DMBT1: variants seen among roughly 807,000 people sequenced by gnomAD.
The protein encoded by DMBT1 is scavenger receptor cysteine-rich domain-containing protein DMBT1.
Under a neutral mutation model 252.9 loss-of-function variants are expected in DMBT1, and 198 were observed. That is an observed-to-expected ratio of 0.78 (90% CI 0.70 to 0.88). The LOEUF (loss-of-function observed/expected upper bound fraction) is 0.88. Among genes scored for constraint, DMBT1 ranks in the 40% least tolerant of loss-of-function variants. The pLI, the probability that DMBT1 is intolerant of heterozygous loss-of-function variation, is 0.00. For missense variants in DMBT1, 2,432 were observed against 2,404.7 expected (o/e 1.01, Z -0.24); for synonymous variants, 990 against 942.7 (o/e 1.05, Z -0.92).
At chr10:122,572,787 C>T (rs1255713449) in intron 5 of DMBT1, among the ~76,000 whole-genome samples, 25 of 152,142 alleles carry the variant, frequency 1.6e-4, no homozygotes, top group Admixed American at 1.4e-3. Context: ...ATATATCTTC[C>T]TAAGTGGCAG....
At position 122,633,314 on chromosome 10, in the gene DMBT1, G is replaced by C; in HGVS notation, c.6521G>C (p.Arg2174Pro). 6.2e-7 allele frequency: 1 copy of C among 1,613,930 alleles called. No individual in the cohort carries two copies. Among genetic ancestry groups the C allele is most frequent in the Non-Finnish European group, 8.5e-7 (1 of 1,179,886 alleles). The change falls in exon 52 of 56, where the codon CGT (arginine) becomes CCT (proline). Residue 2174 changes from arginine (R) to proline (P), a missense_variant. Arg to Pro is a moderately radical substitution (Grantham distance 103). Around this residue, in one of 3 missense-constraint regions of DMBT1, gnomAD observed 1,162 missense variants for 1,169.0 expected, o/e 0.99. Transcript: ENST00000338354. ...VWDIEVQNNY[R>P]VTVIFRDVQL... is the part of the protein sequence containing the mutation. The stretch of plus-strand genomic sequence containing the variant: ...GACATTGAGGTGCAAAACAACTACC[G>C]TGTGACTGTGATCTTCAGAGATGTC...
rs1162013834 is a variant in DMBT1, at chr10:122,570,785, A to C, written c.140-105A>C. The C allele has an allele frequency of 4.4e-6, 6 of 1,374,826 alleles. No individual in the cohort carries two copies. In the East Asian group the frequency reaches 1.4e-4, roughly 32 times the overall value. The allele number at this position is 1,374,826 out of a possible 1,614,324, so 85.2% of individuals were successfully genotyped here. On this transcript the variant is annotated intron_variant, in intron 3 of 55. Transcript: ENST00000338354. Reference sequence around the variant, plus strand: ...GCTTTTAGCAATGGAGGTTGCCCTTAGGATCTGTGTTTCCAGCCCTTGCTT... The same window carrying C: ...GCTTTTAGCAATGGAGGTTGCCCTTCGGATCTGTGTTTCCAGCCCTTGCTT...
chr10:122,626,955 G>A (rs890605409), intron 46 of DMBT1, among the ~76,000 whole-genome samples: 2 of 152,158 alleles, frequency 1.3e-5, no homozygotes, highest in Non-Finnish European at 2.9e-5. Flanking sequence ...GAAGGAGCTT[G>A]GCTCTTTGAA....
intron 5 of DMBT1, among the ~76,000 whole-genome samples, chr10:122,573,308 C>G (rs2097682487): frequency 1.3e-5 from 1 of 78,980 alleles, no homozygotes; most frequent in South Asian, 5.0e-4. Flanking sequence ...CTTTCGAAAC[C>G]ACCTTTTTTT....
At position 122,586,374 on chromosome 10, in the gene DMBT1, A is replaced by G. The variant is rs749375407; in HGVS notation, c.1774A>G (p.Ile592Val). Residue 592 changes from isoleucine (I) to valine (V), a missense_variant, in exon 16 of 56, where the codon ATC becomes GTC. Physicochemically the swap from Ile to Val is conservative, Grantham distance 29 (BLOSUM62 3). Around this residue, in one of 3 missense-constraint regions of DMBT1, gnomAD observed 1,264 missense variants for 1,082.2 expected, o/e 1.17. Coordinates refer to ENST00000338354, the MANE Select transcript of DMBT1 (RefSeq NM_001377530.1). The stretch of plus-strand genomic sequence containing the variant: ...TGGCCATAGTGAAGACGCTGGTGTC[A>G]TCTGCTCAGGTGGGCCTCCAAGACT... ...NCGHSEDAGV[I>V]CSGPESSLAL... 4.4e-6 allele frequency: 7 copies of G among 1,588,504 alleles called. No individual in the cohort carries two copies. The highest frequency in any genetic ancestry group is 6.0e-6 in the Non-Finnish European group (7 of 1,165,802).
chr10:122,575,928 A>T lies in DMBT1; in HGVS notation c.284-471A>T, dbSNP rs191188381. ...ATCTCCACAGCTCTGTGCTGACCCTAACAATCCTGGCCCTGAGGAAGGCTA... is the reference window on the plus strand; with the variant it reads ...ATCTCCACAGCTCTGTGCTGACCCTTACAATCCTGGCCCTGAGGAAGGCTA... On this transcript the variant is annotated intron_variant, in intron 6 of 55. Transcript: ENST00000338354. 3.5e-3 allele frequency among the ~76,000 whole-genome samples: 536 copies of T among 152,308 alleles called. 1 individual carries two copies. The highest frequency in any genetic ancestry group is 0.012 in the African/African-American group (507 of 41,560).
intron 11 of DMBT1, 49 bp from the exon 12 acceptor site, chr10:122,581,743 CT>C: frequency 6.1e-6 from 3 of 490,922 alleles, no homozygotes; most frequent in Non-Finnish European, 7.3e-6. Context: ...TGTTCTGTGC[CT>C]TTTCCCTTCA....
rs530971284 is a variant in DMBT1, at chr10:122,633,416, C to T, written c.6548+75C>T. 4.3e-5 allele frequency: 67 copies of T among 1,570,442 alleles called. 1 individual carries two copies. Among genetic ancestry groups the T allele is most frequent in the Middle Eastern group, 3.6e-4 (2 of 5,624 alleles). ...AGGGAATAAATGGTGCTTAAGTGTGCGCCCAGAAGAATGCCTTGGGGCCCC... is the reference window on the plus strand; with the variant it reads ...AGGGAATAAATGGTGCTTAAGTGTGTGCCCAGAAGAATGCCTTGGGGCCCC... On this transcript the variant is annotated intron_variant, in intron 52 of 55. Coordinates refer to ENST00000338354, the MANE Select transcript of DMBT1 (RefSeq NM_001377530.1).
rs763949424 is a variant in DMBT1 at position 122,640,168 on chromosome 10, C to G, written c.7071C>G (p.Thr2357=). The G allele has an allele frequency of 1.7e-5, 28 of 1,613,958 alleles. No homozygotes were observed. Among genetic ancestry groups the G allele is most frequent in the Non-Finnish European group, 2.3e-5 (27 of 1,179,916 alleles). Residue 2357 remains threonine, a synonymous_variant, in exon 55 of 56, where the codon ACC becomes ACG. Transcript: ENST00000338354. ...TGCTTCAGAACACCTGGGTCGACAC[C>G]ATGTACATTGCTAATGACACCATCC... ...CRMLQNTWVD[T]MYIANDTIHV... is the part of the protein sequence containing the mutation.
intron 39 of DMBT1, 38 bp from the exon 40 acceptor site, chr10:122,617,190 A>T (rs2097994469): frequency 6.2e-7 from 1 of 1,600,930 alleles, no homozygotes; most frequent in Admixed American, 1.7e-5. Flanking sequence ...TTTCCCTTCA[A>T]GTCTAATTCT....
chr10:122,642,550 T>C (rs1844754356), intron 55 of DMBT1, among the ~76,000 whole-genome samples: 1 of 152,118 alleles, frequency 6.6e-6, no homozygotes, highest in Non-Finnish European at 1.5e-5. Context: ...TATATCGGTA[T>C]AGGGGCTCCT....
Position 122,620,987 on chromosome 10 carries a change from G to A in DMBT1, c.5285-70G>A, listed in dbSNP as rs146148535. 6.1e-4 allele frequency: 979 copies of A among 1,600,312 alleles called. 5 individuals carry two copies. In the African/African-American group the frequency reaches 0.011, roughly 18 times the overall value. ...CTTTGGCCATTAGGAAGTGCCCTGA[G>A]TGTGGAACATTCCTTAAATCCTTGA... On this transcript the variant is annotated intron_variant, in intron 43 of 55. Transcript: ENST00000338354.
chr10:122,628,996 G>A (rs887004300), intron 46 of DMBT1, among the ~76,000 whole-genome samples: 2 of 152,070 alleles, frequency 1.3e-5, no homozygotes, highest in Admixed American at 6.5e-5. Context: ...AAAAAAAGAC[G>A]TTTTAATTTC....
chr10:122,579,442 A>G, intron 9 of DMBT1, 136 bp from the exon 10 acceptor site: 1 of 1,540,300 alleles, frequency 6.5e-7, no homozygotes, highest in Non-Finnish European at 8.8e-7. Context: ...GATGAAGCCT[A>G]GTCTGTGGTC....
At position 122,577,848 on chromosome 10, in the gene DMBT1, C is replaced by G. The variant is rs1347377377; in HGVS notation, c.637+8C>G. On this transcript the variant is annotated splice_region_variant and intron_variant, in intron 8 of 55. Transcript: ENST00000338354. ...AGTCAACACTCAGGCCAGGTGAGTC[C>G]CCAGAATCCTTCCTCGGGATACCCC... is the stretch of plus-strand genomic sequence containing the variant. The G allele has an allele frequency of 6.2e-7, 1 of 1,613,542 alleles. No individual in the cohort carries two copies. The highest frequency in any genetic ancestry group is 1.3e-5 in the African/African-American group (1 of 75,022).
chr10:122,570,743 T>G, intron 3 of DMBT1, 147 bp from the exon 4 acceptor site: 2 of 1,002,612 alleles, frequency 2.0e-6, no homozygotes, highest in Non-Finnish European at 3.1e-6. Context: ...GGTAACACAG[T>G]GATTGGCACA....
chr10:122,565,120 C>A, intron 1 of DMBT1, among the ~76,000 whole-genome samples: 1 of 152,172 alleles, frequency 6.6e-6, no homozygotes, highest in Non-Finnish European at 1.5e-5. Context: ...TCCTTCTAGG[C>A]AACTTCACCA....
intron 52 of DMBT1, among the ~76,000 whole-genome samples, chr10:122,634,412 TCTCTCTCTCTCTCTC>T (rs2098199349): frequency 3.1e-5 from 3 of 96,582 alleles, no homozygotes; most frequent in Admixed American, 1.1e-4. Context: ...TTTCTTTCTT[TCTCTCTCTCTCTCTC>T]TCTTCTCTCT....
chr10:122,597,452 GC>G (rs1442730254), intron 24 of DMBT1, among the ~76,000 whole-genome samples: 1 of 152,162 alleles, frequency 6.6e-6, no homozygotes, highest in Admixed American at 6.5e-5. Flanking sequence ...GCCGCCACAG[GC>G]AAGCAATGTC....
Sources: allele counts gnomAD v4.1 joint callset (sites outside exome capture counted in the v4.1 genomes callset), GRCh38; gene constraint gnomAD v4.1.1; regional missense constraint gnomAD v4.1.1; transcripts MANE v1.5; gene names NCBI Gene and HGNC (gene_info 2026-07-23, HGNC 2026-07-21).